The following BRPF3 variants were observed in gnomAD, a reference collection of about 807,000 sequenced individuals.
BRPF3 encodes bromodomain and PHD finger containing 3.
BRPF3 carries 18 observed loss-of-function variants against 102.0 expected under a neutral mutation model. The observed-to-expected ratio is 0.18, with a 90% confidence interval of 0.12 to 0.26. The LOEUF (loss-of-function observed/expected upper bound fraction) is 0.26, where lower values mean the gene tolerates loss of function less well. Ranked by LOEUF, BRPF3 falls within the 10% of genes least tolerant of loss-of-function variation. The probability of loss-of-function intolerance (pLI) is 1.00; values close to 1 mark genes in which losing one functional copy is unlikely to be tolerated. For missense variants in BRPF3, 1,147 were observed against 1,567.8 expected (o/e 0.73, Z 4.53); for synonymous variants, 570 against 614.2 (o/e 0.93, Z 1.06).
In BRPF3 at chr6:36,209,921, T is replaced by C; in HGVS notation, c.1866+6T>C. The stretch of plus-strand genomic sequence containing the variant: ...AACCAGTCAACTTGAGTGAGGCAAG[T>C]TCCCCCTACTTTCCAAGTAGTAAAT... On this transcript the variant is annotated splice_donor_region_variant and intron_variant, in intron 5 of 12. Transcript: ENST00000357641. The C allele has an allele frequency of 1.2e-6, 2 of 1,613,688 alleles. No individual in the cohort carries two copies. Among genetic ancestry groups the C allele is most frequent in the Non-Finnish European group, 1.7e-6 (2 of 1,179,792 alleles).
In BRPF3 at chr6:36,213,968, T is replaced by C. The variant is rs1348149619; in HGVS notation, c.2571T>C (p.Pro857=). The C allele has an allele frequency of 3.7e-6, 6 of 1,606,042 alleles. No homozygotes were observed. The highest frequency in any genetic ancestry group is 1.4e-5 in the African/African-American group (1 of 74,050). ...LSEQESPPEP[P]TLKPINDSKP... ...AGCAAGAATCCCCCCCGGAGCCCCC[T>C]ACTCTGAAACCCATTAATGATAGCA... The change falls in exon 8 of 13, where the codon CCT becomes CCC. Residue 857 remains proline (P), a synonymous_variant. Coordinates refer to ENST00000357641, the MANE Select transcript of BRPF3 (RefSeq NM_015695.3).
intron 3 of BRPF3, among the ~76,000 whole-genome samples, chr6:36,206,391 A>T (rs968617712): frequency 6.6e-6 from 1 of 152,152 alleles, no homozygotes; most frequent in Non-Finnish European, 1.5e-5. Context: ...GGCCTAGGTG[A>T]GCAATGTCCT....
intron 4 of BRPF3, among the ~76,000 whole-genome samples, chr6:36,208,481 GA>G (rs148078174): frequency 0.011 from 1,644 of 148,778 alleles, 13 homozygotes; most frequent in Middle Eastern, 0.035. Context: ...ACAAAAAGGG[GA>G]AAAAAAAAAG....
In BRPF3 at chr6:36,204,763, T is replaced by C. The variant is rs1767844987; in HGVS notation, c.1554T>C (p.Pro518=). 6.2e-7 allele frequency: 1 copy of C among 1,614,108 alleles called. No homozygotes were observed. Among genetic ancestry groups the C allele is most frequent in the Admixed American group, 1.7e-5 (1 of 60,008 alleles). ...AGCGGCAGGCACGGAATGGTGTCCC[T>C]CTTATCCGGCGCTTGCACTCCCATC... is the stretch of plus-strand genomic sequence containing the variant. ...LLKRQARNGV[P]LIRRLHSHLQ... The change falls in exon 3 of 13, where the codon CCT becomes CCC. Residue 518 remains proline (P), a synonymous_variant. Transcript: ENST00000357641.
At chr6:36,211,908 C>G (rs1581965227) in intron 7 of BRPF3, among the ~76,000 whole-genome samples, 2 of 152,124 alleles carry the variant, frequency 1.3e-5, no homozygotes, top group African/African-American at 4.8e-5. Flanking sequence ...GTATTTTGCA[C>G]CTGATACAGC....
chr6:36,208,776 GATAT>G (rs1256203232), intron 4 of BRPF3, among the ~76,000 whole-genome samples: 4 of 152,232 alleles, frequency 2.6e-5, no homozygotes, highest in Non-Finnish European at 5.9e-5. Context: ...GGCCTGTTTT[GATAT>G]AGCCAAAAGG....
chr6:36,200,817 C>T lies in BRPF3; in HGVS notation c.495C>T (p.Asp165=). The T allele has an allele frequency of 6.2e-7, 1 of 1,614,046 alleles. No homozygotes were observed. Among genetic ancestry groups the T allele is most frequent in the Non-Finnish European group, 8.5e-7 (1 of 1,179,992 alleles). The change falls in exon 2 of 13, where the codon GAC becomes GAT. Residue 165 remains aspartate (D), a synonymous_variant. Coordinates refer to ENST00000357641, the MANE Select transcript of BRPF3 (RefSeq NM_015695.3). The surrounding 1 kb of genome is among the most constrained non-coding windows in gnomAD (Gnocchi z 5.3). ...DMDEEDLAWL[D]MVNEKRRVDG... is the part of the protein sequence containing the mutation. ...ATGAGGAGGACCTTGCCTGGCTGGACATGGTGAATGAAAAACGGCGAGTAG... is the reference window on the plus strand; with the variant it reads ...ATGAGGAGGACCTTGCCTGGCTGGATATGGTGAATGAAAAACGGCGAGTAG...
intron 4 of BRPF3, 83 bp downstream of exon 4, chr6:36,207,527 C>A: frequency 1.3e-6 from 2 of 1,519,298 alleles, no homozygotes; most frequent in Middle Eastern, 1.9e-4. Flanking sequence ...AATCTGGGAG[C>A]CCCTGCCTTA....
At chr6:36,219,267 C>G (rs1489376539) in intron 9 of BRPF3, among the ~76,000 whole-genome samples, 3 of 152,124 alleles carry the variant, frequency 2.0e-5, no homozygotes, top group African/African-American at 7.2e-5. Flanking sequence ...CCCCGCCAAC[C>G]CTCAGAGTTG....
chr6:36,212,385 C>T (rs1417894249), intron 7 of BRPF3, among the ~76,000 whole-genome samples: 2 of 151,984 alleles, frequency 1.3e-5, no homozygotes, highest in African/African-American at 2.4e-5. Flanking sequence ...TAGGTAACAG[C>T]CCATTTTATT....
In BRPF3 at chr6:36,201,529, A is replaced by G. The variant is rs2127275438; in HGVS notation, c.1207A>G (p.Ser403Gly). Reference sequence around the variant, plus strand: ...TAGGAGGAAGGGCGACTCCCCTAGAAGCATCAGTGAGACTGGCGATGAGGA... The same window carrying G: ...TAGGAGGAAGGGCGACTCCCCTAGAGGCATCAGTGAGACTGGCGATGAGGA... ...TARRKGDSPR[S>G]ISETGDEEGL... The change falls in exon 2 of 13, where the codon AGC becomes GGC. Residue 403 changes from serine to glycine, a missense_variant. Coordinates refer to ENST00000357641, the MANE Select transcript of BRPF3 (RefSeq NM_015695.3). The surrounding 1 kb of genome is among the most constrained non-coding windows in gnomAD (Gnocchi z 5.1). The G allele has an allele frequency of 1.2e-6, 2 of 1,614,164 alleles. No homozygotes were observed. Among genetic ancestry groups the G allele is most frequent in the East Asian group, 2.2e-5 (1 of 44,878 alleles).
rs1768052232 is a variant in BRPF3 at position 36,210,232 on chromosome 6, A to G, written c.1883A>G (p.Glu628Gly). Residue 628 changes from glutamate to glycine, a missense_variant, in exon 6 of 13, where the codon GAA becomes GGA. Glu to Gly is a moderately conservative substitution (Grantham distance 98, BLOSUM62 -2). Transcript: ENST00000357641. The surrounding 1 kb of genome is among the most constrained non-coding windows in gnomAD (Gnocchi z 4.7). The part of the protein sequence containing the change: ...VNLSEVPDYL[E>G]FISKPMDFST... ...TATGTTTAGGTTCCAGATTACCTGG[A>G]ATTCATATCCAAGCCAATGGATTTT... The G allele has an allele frequency of 1.2e-6, 2 of 1,614,098 alleles. No homozygotes were observed. The highest frequency in any genetic ancestry group is 1.7e-6 in the Non-Finnish European group (2 of 1,180,050).
chr6:36,209,949 T>C (rs1371797565), intron 5 of BRPF3, 34 bp downstream of exon 5: 1 of 1,611,706 alleles, frequency 6.2e-7, no homozygotes, highest in South Asian at 1.1e-5. Flanking sequence ...TAGTAAATTC[T>C]TCTTGAACTG....
In BRPF3 at chr6:36,203,962, C is replaced by T. The variant is rs558570677; in HGVS notation, c.1449-696C>T. Among the ~76,000 whole-genome samples the T allele has an allele frequency of 3.3e-5, 5 of 152,310 alleles. No individual in the cohort carries two copies. The East Asian group carries it at 7.7e-4, about 23-fold the overall frequency. On this transcript the variant is annotated intron_variant, in intron 2 of 12. Coordinates refer to ENST00000357641, the MANE Select transcript of BRPF3 (RefSeq NM_015695.3). ...GGATATTAAAGACAGATATTATAGG[C>T]TTGCATTAGTTCCTCTCCTACCCCT...
chr6:36,201,903 C>A lies in BRPF3; in HGVS notation c.1448+133C>A. 1 of 1,342,074 alleles carries A rather than the reference C, an allele frequency of 7.5e-7. No individual in the cohort carries two copies. Among genetic ancestry groups the A allele is most frequent in the Non-Finnish European group, 1.0e-6 (1 of 1,000,450 alleles). 83.1% of individuals were successfully genotyped at this position (1,342,074 alleles called of 1,614,324 possible). On this transcript the variant is annotated intron_variant, in intron 2 of 12. Transcript: ENST00000357641. The surrounding 1 kb of genome is among the most constrained non-coding windows in gnomAD (Gnocchi z 5.1). ...CCCGAATTTAAACTCTTCCTTTTGA[C>A]CCCAGGCTCACCTGGCCTGGTTTGT...
chr6:36,230,821 A>T lies in BRPF3; in HGVS notation c.*212A>T, dbSNP rs141670769. On this transcript the variant is annotated 3_prime_UTR_variant, in exon 13 of 13. Coordinates refer to ENST00000357641, the MANE Select transcript of BRPF3 (RefSeq NM_015695.3). The surrounding 1 kb of genome is among the most constrained non-coding windows in gnomAD (Gnocchi z 5.4). Reference sequence around the variant, plus strand: ...TGCTGTGTGCCAAAAACTCCCACCCAAGGTCCCTCAGGGGATATTTCACTG... The same window carrying T: ...TGCTGTGTGCCAAAAACTCCCACCCTAGGTCCCTCAGGGGATATTTCACTG... 4 of 583,024 alleles carry T rather than the reference A, an allele frequency of 6.9e-6. No homozygotes were observed. The African/African-American group carries it at 7.5e-5, about 11-fold the overall frequency. The allele number at this position is 583,024 out of a possible 1,614,324, so 36.1% of individuals were successfully genotyped here. A position where few individuals can be genotyped will look rare whatever the true frequency, so the allele number is the denominator to read the frequency against.
intron 3 of BRPF3, among the ~76,000 whole-genome samples, chr6:36,205,237 C>T (rs1264941026): frequency 9.2e-5 from 14 of 152,230 alleles, no homozygotes; most frequent in Admixed American, 9.2e-4. Flanking sequence ...AGTTGTAGCA[C>T]ACAGCCTGTC....
chr6:36,212,980 A>G (rs897662041), intron 7 of BRPF3, among the ~76,000 whole-genome samples: 2 of 152,060 alleles, frequency 1.3e-5, no homozygotes, highest in Non-Finnish European at 2.9e-5. Context: ...AAAAAGTTTC[A>G]AGGTGGTAGG....
chr6:36,198,911 G>T (rs561255494), intron 1 of BRPF3, among the ~76,000 whole-genome samples: 14 of 152,254 alleles, frequency 9.2e-5, no homozygotes, highest in African/African-American at 3.1e-4. Context: ...TGAGTGTTCT[G>T]GGAGAGACTT....
Sources: gnomAD v4.1 joint callset for allele counts (sites outside exome capture counted in the v4.1 genomes callset) on GRCh38, gnomAD v4.1.1 for gene constraint, Gnocchi (gnomAD v3.1) non-coding constraint, MANE v1.5 for transcripts, NCBI Gene and HGNC (gene_info 2026-07-23, HGNC 2026-07-21) for gene names.